Variants in MYO16 observed in about 807,000 individuals in gnomAD.
MYO16 encodes the protein unconventional myosin-XVI.
Under a neutral mutation model 205.3 loss-of-function variants are expected in MYO16, and 94 were observed. The ratio of observed to expected loss-of-function variants is 0.46; its 90% CI spans 0.39 to 0.54. MYO16 has a LOEUF of 0.54. Among genes scored for constraint, MYO16 ranks in the 20% least tolerant of loss-of-function variants. MYO16 has a pLI of 0.00. For missense variants in MYO16, 2,315 were observed against 2,387.5 expected, an observed-to-expected ratio of 0.97 and a Z score of 0.63; for synonymous variants, 988 against 954.0, an observed-to-expected ratio of 1.04 and a Z score of -0.66.
At chr13:108,534,167 T>C in the MYO16 span, among the ~76,000 whole-genome samples, 1 of 152,214 alleles carries the variant, frequency 6.6e-6, no homozygotes, top group Non-Finnish European at 1.5e-5. Context: ...CTAAAAATTG[T>C]TTTTATTGCA....
At chr13:108,516,587 A>G in the MYO16 span, among the ~76,000 whole-genome samples, 1 of 152,240 alleles carries the variant, frequency 6.6e-6, no homozygotes, top group Non-Finnish European at 1.5e-5. Flanking sequence ...ATATACAGGC[A>G]CACGTAACAA....
chr13:108,636,401 G>GTA (rs1317560816), intron 1 of MYO16, among the ~76,000 whole-genome samples: 1 of 135,746 alleles, frequency 7.4e-6, no homozygotes, highest in Non-Finnish European at 1.5e-5. Flanking sequence ...GTGTGTGTGT[G>GTA]TGTGTGTCTT....
chr13:108,674,650 A>G (rs1882125898), intron 2 of MYO16, among the ~76,000 whole-genome samples: 1 of 152,226 alleles, frequency 6.6e-6, no homozygotes, highest in African/African-American at 2.4e-5. Context: ...ATCTACTAGG[A>G]ACATGACCAA....
chr13:108,941,921 C>G (rs1234011656), intron 16 of MYO16, among the ~76,000 whole-genome samples: 1 of 152,156 alleles, frequency 6.6e-6, no homozygotes, highest in Non-Finnish European at 1.5e-5. Flanking sequence ...ACACATTATA[C>G]TCCTTGACTC....
chr13:109,056,997 TG>T (rs1887437479), intron 27 of MYO16, among the ~76,000 whole-genome samples: 1 of 152,188 alleles, frequency 6.6e-6, no homozygotes, highest in Admixed American at 6.6e-5. Flanking sequence ...TTGAGACTTT[TG>T]TTGACTAGTT....
intron 1 of MYO16, among the ~76,000 whole-genome samples, chr13:108,642,258 G>A (rs931216565): frequency 6.6e-6 from 1 of 152,128 alleles, no homozygotes; most frequent in Non-Finnish European, 1.5e-5. Context: ...GGCACTGCCC[G>A]TGGCATGAGA....
At chr13:108,575,083 C>A in the MYO16 span, among the ~76,000 whole-genome samples, 1 of 151,850 alleles carries the variant, frequency 6.6e-6, no homozygotes, top group Non-Finnish European at 1.5e-5. Flanking sequence ...GTAGAGCTAA[C>A]CCTGTCACAC....
rs141403878 is a variant in MYO16 at position 108,720,060 on chromosome 13, C to A, written c.363+7329C>A. On this transcript the variant is annotated intron_variant, in intron 3 of 34. Coordinates refer to ENST00000457511, the MANE Select transcript of MYO16 (RefSeq NM_001198950.3). ...ATTGGCTGGAAGCTGCGGCTCTCTG[C>A]AGTGCAAATAGAAATAATAAATATG... Among the ~76,000 whole-genome samples the A allele has an allele frequency of 1.3e-3, 203 of 152,284 alleles. 1 individual carries two copies. Among genetic ancestry groups the A allele is most frequent in the Non-Finnish European group, 2.6e-3 (175 of 68,032 alleles).
chr13:108,863,530 C>A (rs76615304), intron 11 of MYO16, among the ~76,000 whole-genome samples: 5,943 of 152,086 alleles, frequency 0.039, 153 homozygotes, highest in Non-Finnish European at 0.048. Context: ...CCTTGCATTT[C>A]TAGAATAAAG....
intron 16 of MYO16, among the ~76,000 whole-genome samples, chr13:108,939,614 A>G (rs376319538): frequency 2.6e-5 from 4 of 152,192 alleles, no homozygotes; most frequent in African/African-American, 4.8e-5. Context: ...ATAAAAATCT[A>G]AATTTCATTA....
the MYO16 span, among the ~76,000 whole-genome samples, chr13:108,500,107 C>G: frequency 1.3e-5 from 2 of 152,000 alleles, no homozygotes; most frequent in East Asian, 3.9e-4. Context: ...CAGTCCTGAC[C>G]TGGAGGTTCC....
chr13:108,707,157 C>G (rs538823360), intron 2 of MYO16, among the ~76,000 whole-genome samples: 1 of 152,284 alleles, frequency 6.6e-6, no homozygotes, highest in African/African-American at 2.4e-5. Context: ...AAAGCTCCAA[C>G]AACCTGGCTA....
intron 12 of MYO16, among the ~76,000 whole-genome samples, chr13:108,868,632 C>G (rs754204217): frequency 6.6e-5 from 10 of 151,832 alleles, no homozygotes; most frequent in Non-Finnish European, 8.8e-5. Context: ...ATTAAAAAGA[C>G]CATCTTTCAG....
At chr13:108,533,593 T>C in the MYO16 span, among the ~76,000 whole-genome samples, 2 of 152,148 alleles carry the variant, frequency 1.3e-5, no homozygotes, top group African/African-American at 4.8e-5. Flanking sequence ...ATGCTGGGAG[T>C]GCAGTGTCTT....
the MYO16 span, among the ~76,000 whole-genome samples, chr13:108,527,250 T>C: frequency 2.0e-5 from 3 of 151,358 alleles, no homozygotes; most frequent in Non-Finnish European, 4.4e-5. Context: ...ATAGGAAGGG[T>C]TTTTTTTTCT....
At chr13:108,950,595 G>A (rs1226762966) in intron 16 of MYO16, among the ~76,000 whole-genome samples, 2 of 152,168 alleles carry the variant, frequency 1.3e-5, no homozygotes, top group African/African-American at 4.8e-5. Flanking sequence ...TTGCTGGTGG[G>A]AATGTAAAAT....
chr13:109,086,256 A>T (rs540731435), intron 27 of MYO16, among the ~76,000 whole-genome samples: 41 of 152,356 alleles, frequency 2.7e-4, no homozygotes, highest in African/African-American at 9.4e-4. Context: ...GACAATGCCC[A>T]GCATTCTGTT....
At chr13:109,163,821 A>G (rs1878509482) in intron 32 of MYO16, 1 of 152,166 alleles carries the variant, frequency 6.6e-6, no homozygotes, top group Admixed American at 6.5e-5. Context: ...ATCTCTGCCT[A>G]TGGAGGTACC....
chr13:109,126,206 T>G (rs1876239247), intron 30 of MYO16, among the ~76,000 whole-genome samples: 2 of 152,168 alleles, frequency 1.3e-5, no homozygotes, highest in African/African-American at 4.8e-5. Context: ...GCTTCAAATA[T>G]CTCAGTGATT....
Sources: gnomAD v4.1 joint callset for allele counts (sites outside exome capture counted in the v4.1 genomes callset) on GRCh38, gnomAD v4.1.1 for gene constraint, MANE v1.5 for transcripts, NCBI Gene and HGNC (gene_info 2026-07-23, HGNC 2026-07-21) for gene names.